LARGE1: variants seen among roughly 807,000 people sequenced by gnomAD.
LARGE1 encodes the protein LARGE xylosyl- and glucuronyltransferase 1.
LARGE1 carries 43 observed loss-of-function variants against 87.6 expected under a neutral mutation model. The ratio of observed to expected loss-of-function variants is 0.49; its 90% CI spans 0.38 to 0.63. The LOEUF (loss-of-function observed/expected upper bound fraction) is 0.63, where lower values mean the gene tolerates loss of function less well. Among genes scored for constraint, LARGE1 ranks in the 30% least tolerant of loss-of-function variants. LARGE1 has a pLI of 0.00. For synonymous variants in LARGE1, 434 were observed against 394.6 expected (o/e 1.10, Z -1.18); for missense variants, 802 against 1,000.2 (o/e 0.80, Z 2.67).
At chr22:33,379,872 A>G (rs574420706) in intron 9 of LARGE1, among the ~76,000 whole-genome samples, 11 of 152,136 alleles carry the variant, frequency 7.2e-5, no homozygotes, top group Non-Finnish European at 1.6e-4. Context: ...TCATATACAC[A>G]ATAAAAGCTG....
intron 6 of LARGE1, among the ~76,000 whole-genome samples, chr22:33,457,871 G>C (rs2068204204): frequency 1.3e-5 from 2 of 152,086 alleles, no homozygotes; most frequent in South Asian, 4.1e-4. Context: ...AGGAGAGGCT[G>C]TGTGTGTATA....
chr22:33,312,821 T>C (rs1196047604), intron 11 of LARGE1, among the ~76,000 whole-genome samples: 1 of 152,218 alleles, frequency 6.6e-6, no homozygotes, highest in Non-Finnish European at 1.5e-5. Context: ...AGCACTGACA[T>C]GGAGTATTCC....
intron 5 of LARGE1, among the ~76,000 whole-genome samples, chr22:33,568,835 GATGGATGGATGGATGGATGAATGC>G (rs1358884449): frequency 1.3e-5 from 2 of 150,500 alleles, no homozygotes; most frequent in Admixed American, 1.3e-4. Context: ...ATCTGGAACA[GATGGATGGATGGATGGATGAATGC>G]ATGGATGGAT....
chr22:33,427,459 G>A (rs1384621446), intron 7 of LARGE1, among the ~76,000 whole-genome samples: 2 of 152,180 alleles, frequency 1.3e-5, no homozygotes, highest in Non-Finnish European at 2.9e-5. Context: ...AGCAGACTGG[G>A]AAAGAAAAGC....
At position 33,260,271 on chromosome 22, in the gene LARGE1, C is replaced by T. The variant is rs193016151; in HGVS notation, c.1730+43958G>A. ...ATGCCCCCTCCTCTCCTCTGGGGAA[C>T]GGTGCGTAACAAACTGCCTTTTCAA... On this transcript the variant is annotated intron_variant, in intron 11 of 11. Transcript: ENST00000608642. Among the ~76,000 whole-genome samples the T allele has an allele frequency of 2.7e-4, 41 of 152,280 alleles. No individual in the cohort carries two copies. The East Asian group carries it at 3.3e-3, about 12-fold the overall frequency.
chr22:33,099,608 T>C, the LARGE1 span, among the ~76,000 whole-genome samples: 1 of 152,214 alleles, frequency 6.6e-6, no homozygotes, highest in African/African-American at 2.4e-5. Flanking sequence ...GAACATTTCT[T>C]TCCTCTTACT....
At chr22:33,449,190 C>G (rs1476647571) in intron 6 of LARGE1, among the ~76,000 whole-genome samples, 3 of 151,990 alleles carry the variant, frequency 2.0e-5, no homozygotes, top group Non-Finnish European at 4.4e-5. Context: ...ATCCAAGCTG[C>G]CCGAGATCCA....
At chr22:33,542,469 C>T (rs2077240284) in intron 6 of LARGE1, among the ~76,000 whole-genome samples, 2 of 151,688 alleles carry the variant, frequency 1.3e-5, no homozygotes, top group South Asian at 4.2e-4. Context: ...CTCTTATTTG[C>T]TCCTTTAAAG....
chr22:33,729,501 T>C lies in LARGE1; in HGVS notation c.106+31870A>G, dbSNP rs182247483. On this transcript the variant is annotated intron_variant, in intron 2 of 14. Transcript: ENST00000397394. Reference sequence around the variant, plus strand: ...TGTGCTCAATATCATGAGAGATAAATATGCTAATAATATGATCAGTTAGGG... The same window carrying C: ...TGTGCTCAATATCATGAGAGATAAACATGCTAATAATATGATCAGTTAGGG... Among the ~76,000 whole-genome samples, 174 of 152,320 alleles carry C rather than the reference T, an allele frequency of 1.1e-3. 1 individual carries two copies. The highest frequency in any genetic ancestry group is 6.8e-3 in the South Asian group (33 of 4,822).
In LARGE1 at chr22:33,385,957, A is replaced by G. The variant is rs955333722; in HGVS notation, c.893-1653T>C. On this transcript the variant is annotated intron_variant, in intron 7 of 14. Coordinates refer to ENST00000397394, the MANE Select transcript of LARGE1 (RefSeq NM_133642.5). ...ATGTCAACTCTAAGCCTCTTTACTT[A>G]TTCCAGTGGCACATATTTGGAGAAA... Among the ~76,000 whole-genome samples, 3 of 149,022 alleles carry G rather than the reference A, an allele frequency of 2.0e-5. 1 individual carries two copies. Among genetic ancestry groups the G allele is most frequent in the Non-Finnish European group, 4.5e-5 (3 of 66,598 alleles).
chr22:33,456,503 A>C (rs1038987454), intron 6 of LARGE1, among the ~76,000 whole-genome samples: 6 of 152,244 alleles, frequency 3.9e-5, no homozygotes, highest in Non-Finnish European at 5.9e-5. Flanking sequence ...GCATGGAATA[A>C]GGCTAAACAT....
the LARGE1 span, among the ~76,000 whole-genome samples, chr22:33,098,446 C>T: frequency 4.0e-5 from 6 of 151,880 alleles, no homozygotes; most frequent in Non-Finnish European, 7.4e-5. Context: ...GGTGAAACCC[C>T]GTCTCTACTA....
chr22:33,821,602 C>A (rs977326067), intron 1 of LARGE1, among the ~76,000 whole-genome samples: 1 of 152,116 alleles, frequency 6.6e-6, no homozygotes, highest in South Asian at 2.1e-4. Flanking sequence ...AAGAGCATGC[C>A]GAGAAGGGGA....
chr22:33,870,826 C>T (rs2064256765), intron 1 of LARGE1, among the ~76,000 whole-genome samples: 2 of 152,162 alleles, frequency 1.3e-5, no homozygotes, highest in African/African-American at 4.8e-5. Context: ...CCTTGGCCTC[C>T]CAAAGTGCTA....
chr22:33,089,609 C>T, the LARGE1 span, among the ~76,000 whole-genome samples: 2 of 151,436 alleles, frequency 1.3e-5, no homozygotes, highest in African/African-American at 4.9e-5. Context: ...GGGATCCTGC[C>T]ACCTCAGCCT....
At chr22:33,283,153 AAAG>A in intron 13 of LARGE1, 46 bp downstream of exon 13, 1 of 1,611,848 alleles carries the variant, frequency 6.2e-7, no homozygotes. Flanking sequence ...TTCCCAGGAG[AAAG>A]AAGGCCTTCG....
chr22:33,443,744 C>T (rs1355818775), intron 6 of LARGE1, among the ~76,000 whole-genome samples: 4 of 152,176 alleles, frequency 2.6e-5, no homozygotes, highest in Non-Finnish European at 5.9e-5. Flanking sequence ...TCAGTTCAAT[C>T]TGAAATAATG....
intron 1 of LARGE1, among the ~76,000 whole-genome samples, chr22:33,849,389 G>A (rs2063520185): frequency 6.6e-6 from 1 of 151,940 alleles, no homozygotes; most frequent in African/African-American, 2.4e-5. Flanking sequence ...CAGTATCCAT[G>A]TATCTCAGAG....
At chr22:33,229,520 T>G (rs956334514) in intron 11 of LARGE1, among the ~76,000 whole-genome samples, 1 of 152,038 alleles carries the variant, frequency 6.6e-6, no homozygotes, top group Non-Finnish European at 1.5e-5. Flanking sequence ...GTATGGTAGA[T>G]GTAAATAGAT....
Sources: gnomAD v4.1 joint callset for allele counts (sites outside exome capture counted in the v4.1 genomes callset) on GRCh38, gnomAD v4.1.1 for gene constraint, MANE v1.5 for transcripts, NCBI Gene and HGNC (gene_info 2026-07-23, HGNC 2026-07-21) for gene names.